Variants in TPH1 observed in about 807,000 individuals in gnomAD.
TPH1 encodes tryptophan hydroxylase 1, also known as tryptophan 5-hydroxylase 1.
In TPH1, 37 loss-of-function variants were observed where a neutral mutation model predicts 49.5. That is an observed-to-expected ratio of 0.75 (90% CI 0.58 to 0.98). TPH1 has a LOEUF of 0.98. Among genes scored for constraint, TPH1 ranks in the 50% least tolerant of loss-of-function variants. The pLI, the probability that TPH1 is intolerant of heterozygous loss-of-function variation, is 0.00. For synonymous variants in TPH1, 160 were observed against 182.1 expected (o/e 0.88, Z 0.98); for missense variants, 487 against 523.6 (o/e 0.93, Z 0.68).
chr11:18,037,263 T>G (rs1189181243), intron 2 of TPH1, among the ~76,000 whole-genome samples: 1 of 151,190 alleles, frequency 6.6e-6, no homozygotes, highest in African/African-American at 2.4e-5. Flanking sequence ...GATACTGAGG[T>G]GGGAGGGTCA....
At position 18,043,520 on chromosome 11, in the gene TPH1, G is replaced by A. The variant is rs1013448017; in HGVS notation, c.-27+2721C>T. ...CTCGGGAGGCTGAGGCATGAAAATC[G>A]TTTGAACTCAGGAGGCAGAGGTTGC... On this transcript the variant is annotated intron_variant, in intron 1 of 10. Coordinates refer to ENST00000682019, the MANE Select transcript of TPH1 (RefSeq NM_004179.3). Among the ~76,000 whole-genome samples the A allele has an allele frequency of 2.6e-4, 39 of 152,230 alleles. 1 individual carries two copies. Among genetic ancestry groups the A allele is most frequent in the South Asian group, 6.2e-4 (3 of 4,820 alleles).
chr11:18,021,177 A>T lies in TPH1; in HGVS notation c.1161-12T>A, dbSNP rs1590258601. ...TTTTGGTAAATTCTCTATTTAAGAA[A>T]ACAAATAGGAGACAATCAATTTCTA... is the stretch of plus-strand genomic sequence containing the variant. On this transcript the variant is annotated splice_polypyrimidine_tract_variant and intron_variant, in intron 10 of 10. Transcript: ENST00000682019. 1.9e-6 allele frequency: 3 copies of T among 1,610,782 alleles called. No individual in the cohort carries two copies. Among genetic ancestry groups the T allele is most frequent in the African/African-American group, 2.7e-5 (2 of 74,960 alleles).
Position 18,020,943 on chromosome 11 carries a change from C to T in TPH1, c.*48G>A. 6.3e-7 allele frequency: 1 copy of T among 1,593,380 alleles called. No individual in the cohort carries two copies. Among genetic ancestry groups the T allele is most frequent in the South Asian group, 1.1e-5 (1 of 90,372 alleles). ...GTGTTCAAGGAAAGCAAGAGATGGC[C>T]CAGACCTCCGAATTGATGCTCAAAT... On this transcript the variant is annotated 3_prime_UTR_variant, in exon 11 of 11. Coordinates refer to ENST00000682019, the MANE Select transcript of TPH1 (RefSeq NM_004179.3).
chr11:18,028,363 C>T (rs1191463879), intron 6 of TPH1, among the ~76,000 whole-genome samples: 1 of 152,150 alleles, frequency 6.6e-6, no homozygotes, highest in African/African-American at 2.4e-5. Flanking sequence ...GGAGCTTTTG[C>T]ATGAACACCC....
intron 1 of TPH1, among the ~76,000 whole-genome samples, chr11:18,044,627 C>T (rs1298601365): frequency 1.3e-5 from 2 of 151,850 alleles, no homozygotes; most frequent in Non-Finnish European, 2.9e-5. Flanking sequence ...GTTGACAGAG[C>T]TTATGAGGCA....
chr11:18,020,875 G>A lies in TPH1; in HGVS notation c.*116C>T, dbSNP rs1254797431. 78 of 956,708 alleles carry A rather than the reference G, an allele frequency of 8.2e-5. No individual in the cohort carries two copies. The highest frequency in any genetic ancestry group is 9.3e-5 in the Non-Finnish European group (55 of 591,128). The allele number at this position is 956,708 out of a possible 1,614,324, so 59.3% of individuals were successfully genotyped here. The stretch of plus-strand genomic sequence containing the variant: ...AGTGATTCCTTAAGTAGTGGAATTC[G>A]ATAATATTGTTTGGCCAGAAGATGC... On this transcript the variant is annotated 3_prime_UTR_variant, in exon 11 of 11. Coordinates refer to ENST00000682019, the MANE Select transcript of TPH1 (RefSeq NM_004179.3).
Position 18,019,134 on chromosome 11 carries a change from G to A in TPH1, c.*1857C>T, listed in dbSNP as rs1421552947. 6.6e-6 allele frequency: 1 copy of A among 152,264 alleles called. No homozygotes were observed. The highest frequency in any genetic ancestry group is 1.5e-5 in the Non-Finnish European group (1 of 68,172). The allele number at this position is 152,264 out of a possible 1,614,324, so 9.4% of individuals were successfully genotyped here. A position where few individuals can be genotyped will look rare whatever the true frequency, so the allele number is the denominator to read the frequency against. On this transcript the variant is annotated 3_prime_UTR_variant, in exon 11 of 11. Transcript: ENST00000682019. ...ATGTACAATGTAAAAATTTAAAACA[G>A]CATGAATTATTCTTCAAAATTCTAT...
chr11:18,035,858 A>G, intron 3 of TPH1, 101 bp downstream of exon 3: 1 of 1,002,216 alleles, frequency 1.0e-6, no homozygotes, highest in Non-Finnish European at 1.5e-6. Flanking sequence ...CAATTTGGAG[A>G]GCTTGTGTTT....
Position 18,029,240 on chromosome 11 carries a change from G to A in TPH1, c.592C>T (p.Pro198Ser). The change falls in exon 6 of 11, where the codon CCT becomes TCT. Residue 198 changes from proline (P) to serine (S), a missense_variant. Physicochemically the swap from Pro to Ser is moderately conservative, Grantham distance 74. Coordinates refer to ENST00000682019, the MANE Select transcript of TPH1 (RefSeq NM_004179.3). The stretch of plus-strand genomic sequence containing the variant: ...TATCCACAATATTTAGAAAGCAAAG[G>A]TAAGTTTTTGAGATACTCTCTGCAA... The part of the protein sequence containing the change: ...HACREYLKNL[P>S]LLSKYCGYRE... 1.2e-6 allele frequency: 2 copies of A among 1,614,040 alleles called. No individual in the cohort carries two copies. The highest frequency in any genetic ancestry group is 2.2e-5 in the South Asian group (2 of 91,078).
chr11:18,022,636 T>C (rs942884194), intron 10 of TPH1, among the ~76,000 whole-genome samples, 162 bp downstream of exon 10: 3 of 152,222 alleles, frequency 2.0e-5, no homozygotes, highest in South Asian at 2.1e-4. Context: ...AATCCTTATA[T>C]ACAACATACT....
chr11:18,041,057 G>A (rs1230890696), intron 1 of TPH1: 2 of 295,104 alleles, frequency 6.8e-6, no homozygotes, highest in Admixed American at 5.0e-5. Context: ...ACTGAAGCCT[G>A]CTGGCTTCTT....
At chr11:18,041,629 C>T (rs1394988669) in intron 1 of TPH1, among the ~76,000 whole-genome samples, 8 of 152,096 alleles carry the variant, frequency 5.3e-5, no homozygotes, top group Non-Finnish European at 1.2e-4. Flanking sequence ...ATTTCAGGTA[C>T]CAAGAAGAGT....
intron 3 of TPH1, 50 bp from the exon 4 acceptor site, chr11:18,033,424 A>G (rs749078965): frequency 3.0e-6 from 4 of 1,344,576 alleles, no homozygotes; most frequent in Non-Finnish European, 4.2e-6. Flanking sequence ...AGTTGAAGAG[A>G]TAATCTTAAA....
At chr11:18,030,546 A>T (rs1223557353) in intron 4 of TPH1, among the ~76,000 whole-genome samples, 1 of 152,178 alleles carries the variant, frequency 6.6e-6, no homozygotes, top group Non-Finnish European at 1.5e-5. Context: ...GGTAGCACAG[A>T]TTTACTATGA....
rs1308360093 is a variant in TPH1 at position 18,040,691 on chromosome 11, T to C, written c.72A>G (p.Leu24=). The C allele has an allele frequency of 1.2e-6, 2 of 1,612,556 alleles. No individual in the cohort carries two copies. Among genetic ancestry groups the C allele is most frequent in the Non-Finnish European group, 1.7e-6 (2 of 1,179,342 alleles). Residue 24 remains leucine, a synonymous_variant, in exon 2 of 11, where the codon TTA becomes TTG. Transcript: ENST00000682019. ...TTATAAGTCCTCCAACTTCATTCTTTAAGGAAAAAATGAGACTTGCTCTTC... is the reference window on the plus strand; with the variant it reads ...TTATAAGTCCTCCAACTTCATTCTTCAAGGAAAAAATGAGACTTGCTCTTC... ...ERGRASLIFS[L]KNEVGGLIKA...
intron 2 of TPH1, among the ~76,000 whole-genome samples, chr11:18,040,423 G>A (rs1848088851): frequency 6.7e-6 from 1 of 150,302 alleles, no homozygotes; most frequent in Admixed American, 6.6e-5. Flanking sequence ...GAGTGCAGTG[G>A]TGTGATCATA....
At position 18,019,090 on chromosome 11, in the gene TPH1, G is replaced by A. The variant is rs1854329343; in HGVS notation, c.*1901C>T. On this transcript the variant is annotated 3_prime_UTR_variant, in exon 11 of 11. Transcript: ENST00000682019. Reference sequence around the variant, plus strand: ...TATTTACCATCAAATGTATACTTAAGAGTTGATTAGCTATTAAAATGTACA... The same window carrying A: ...TATTTACCATCAAATGTATACTTAAAAGTTGATTAGCTATTAAAATGTACA... 1 of 152,206 alleles carries A rather than the reference G, an allele frequency of 6.6e-6. No individual in the cohort carries two copies. The highest frequency in any genetic ancestry group is 1.5e-5 in the Non-Finnish European group (1 of 68,126). The allele number at this position is 152,206 out of a possible 1,614,324, so 9.4% of individuals were successfully genotyped here. A position where few individuals can be genotyped will look rare whatever the true frequency, so the allele number is the denominator to read the frequency against.
intron 4 of TPH1, among the ~76,000 whole-genome samples, chr11:18,032,918 CTTAA>C (rs776699985): frequency 1.3e-5 from 2 of 152,092 alleles, no homozygotes; most frequent in Non-Finnish European, 2.9e-5. Flanking sequence ...AAAAGTTGCC[CTTAA>C]TTTTTAGTTT....
chr11:18,038,293 G>A (rs1848064766), intron 2 of TPH1, among the ~76,000 whole-genome samples: 1 of 152,104 alleles, frequency 6.6e-6, no homozygotes, highest in South Asian at 2.1e-4. Flanking sequence ...GGATAACTAG[G>A]TTGTCTCCAC....
Sources: gnomAD v4.1 joint callset for allele counts (sites outside exome capture counted in the v4.1 genomes callset) on GRCh38, gnomAD v4.1.1 for gene constraint, MANE v1.5 for transcripts, NCBI Gene and HGNC (gene_info 2026-07-23, HGNC 2026-07-21) for gene names.